CEP128: variants seen among roughly 807,000 people sequenced by gnomAD.
CEP128 encodes the protein centrosomal protein 128kDa.
A neutral mutation model predicts 156.7 loss-of-function variants in CEP128; 132 were observed. That is an observed-to-expected ratio of 0.84 (90% CI 0.73 to 0.97). The LOEUF is 0.97. CEP128 is among the 50% of genes least tolerant of loss of function. The pLI is 0.00. For missense variants in CEP128, 1,252 were observed against 1,281.9 expected (o/e 0.98, Z 0.36); for synonymous variants, 469 against 448.9 (o/e 1.04, Z -0.57).
At chr14:80,918,345 A>ACT (rs1884673146) in intron 2 of CEP128, among the ~76,000 whole-genome samples, 1 of 152,228 alleles carries the variant, frequency 6.6e-6, no homozygotes, top group South Asian at 2.1e-4. Flanking sequence ...AAGTTACAGT[A>ACT]CTTCCCATCA....
intron 19 of CEP128, among the ~76,000 whole-genome samples, chr14:80,630,731 A>G (rs972691389): frequency 2.0e-4 from 30 of 152,168 alleles, no homozygotes; most frequent in African/African-American, 6.5e-4. Flanking sequence ...AAGTTTTTAT[A>G]GTGTAAGGAC....
At chr14:80,744,653 A>G (rs1259968376) in intron 18 of CEP128, among the ~76,000 whole-genome samples, 1 of 152,174 alleles carries the variant, frequency 6.6e-6, no homozygotes, top group African/African-American at 2.4e-5. Context: ...TCCTCATTTC[A>G]GAAAAACACT....
chr14:80,862,703 T>C (rs927802255), intron 9 of CEP128, 54 bp downstream of exon 9: 1 of 1,195,442 alleles, frequency 8.4e-7, no homozygotes, highest in South Asian at 1.2e-5. Context: ...TTAACATGGC[T>C]AAATAAACAT....
intron 16 of CEP128, among the ~76,000 whole-genome samples, chr14:80,767,416 T>C (rs1380951154): frequency 6.6e-6 from 1 of 152,088 alleles, no homozygotes; most frequent in East Asian, 1.9e-4. Flanking sequence ...CTTGTCTATA[T>C]ATGAAATATC....
chr14:80,769,320 G>A (rs1298685131), intron 16 of CEP128, among the ~76,000 whole-genome samples: 1 of 148,704 alleles, frequency 6.7e-6, no homozygotes, highest in African/African-American at 2.5e-5. Context: ...GGGTACATGT[G>A]CACAACGTGC....
chr14:80,933,277 C>T (rs1885582867), intron 2 of CEP128, among the ~76,000 whole-genome samples: 1 of 152,112 alleles, frequency 6.6e-6, no homozygotes, highest in South Asian at 2.1e-4. Context: ...AGCTATGGCC[C>T]CAGTAACTCA....
intron 21 of CEP128, among the ~76,000 whole-genome samples, chr14:80,555,945 G>A (rs527664060): frequency 6.6e-6 from 1 of 152,048 alleles, no homozygotes; most frequent in Admixed American, 6.6e-5. Flanking sequence ...AAATGAATGT[G>A]TCTTCTTTAC....
chr14:80,939,751 TC>T (rs1368229838), intron 1 of CEP128, among the ~76,000 whole-genome samples: 4 of 152,330 alleles, frequency 2.6e-5, no homozygotes, highest in Admixed American at 2.6e-4. Flanking sequence ...GTGACTTCCA[TC>T]CATGCCTGGG....
intron 19 of CEP128, among the ~76,000 whole-genome samples, chr14:80,641,870 A>T (rs575285300): frequency 1.8e-4 from 28 of 152,128 alleles, no homozygotes; most frequent in African/African-American, 6.7e-4. Context: ...CGGGTGGATC[A>T]TGAGGTCAGG....
chr14:80,860,025 C>A (rs924406990), intron 9 of CEP128, among the ~76,000 whole-genome samples: 1 of 152,112 alleles, frequency 6.6e-6, no homozygotes, highest in Non-Finnish European at 1.5e-5. Context: ...GGCCCACCTG[C>A]TCAATTATGG....
At chr14:80,819,733 C>G (rs1247288561) in intron 13 of CEP128, among the ~76,000 whole-genome samples, 1 of 152,124 alleles carries the variant, frequency 6.6e-6, no homozygotes, top group Non-Finnish European at 1.5e-5. Flanking sequence ...CCTGGTTGTT[C>G]TAGGAAAACC....
At chr14:80,944,737 G>T (rs532071117), upstream of CEP128, among the ~76,000 whole-genome samples, 231 of 147,822 alleles carry the variant, frequency 1.6e-3, no homozygotes, top group African/African-American at 5.6e-3. Context: ...CAGGAGAACG[G>T]CGTAAACCCG....
chr14:80,928,139 C>A (rs1885251635), intron 2 of CEP128, among the ~76,000 whole-genome samples: 1 of 152,096 alleles, frequency 6.6e-6, no homozygotes, highest in Non-Finnish European at 1.5e-5. Flanking sequence ...AAATCCCTGT[C>A]CAATCAAAAA....
In CEP128 at chr14:80,777,961, T is replaced by G; in HGVS notation, c.2297A>C (p.Glu766Ala). 10 of 1,612,920 alleles carry G rather than the reference T, an allele frequency of 6.2e-6. No individual in the cohort carries two copies. The highest frequency in any genetic ancestry group is 8.5e-6 in the Non-Finnish European group (10 of 1,179,170). Residue 766 changes from glutamate (E) to alanine (A), a missense_variant, in exon 16 of 25, where the codon GAG (glutamate) becomes GCG (alanine). By Grantham distance (107) the Glu-to-Ala change is moderately radical. Coordinates refer to ENST00000555265, the MANE Select transcript of CEP128 (RefSeq NM_152446.5). The stretch of plus-strand genomic sequence containing the variant: ...CTCATTTTCATTCTGGGTTAATTCC[T>G]CTGTCAGTCTGTCACACTGTGATTT... ...KLKSQCDRLTEELTQNENENK... is the reference protein window; with the variant it reads ...KLKSQCDRLTAELTQNENENK...
At chr14:80,709,761 T>C (rs1422219852) in intron 19 of CEP128, among the ~76,000 whole-genome samples, 1 of 152,206 alleles carries the variant, frequency 6.6e-6, no homozygotes, top group Non-Finnish European at 1.5e-5. Flanking sequence ...TTGACATTTC[T>C]TGTTAAGGCT....
At chr14:80,892,708 CAAAT>C (rs141711083) in intron 8 of CEP128, among the ~76,000 whole-genome samples, 61,499 of 151,278 alleles carry the variant, frequency 0.41, 12,793 homozygotes, top group South Asian at 0.51. Flanking sequence ...AGTAGAAAAA[CAAAT>C]AATCCAATTT....
At position 80,504,999 on chromosome 14, in the gene CEP128, CT is replaced by C; in HGVS notation, c.3093del (p.Gly1032ValfsTer7). The C allele has an allele frequency of 6.3e-7, 1 of 1,596,950 alleles. No homozygotes were observed. The highest frequency in any genetic ancestry group is 1.7e-5 in the Admixed American group (1 of 58,462). The stretch of plus-strand genomic sequence containing the variant: ...TGATCTAACCCACGAGTGTGGGAAC[CT>C]TCCAGAAAGGTTCTGTCACCCTAAG... ...KSFKGDRTFL[E>X]GSHTRGLDHS... is the part of the protein sequence containing the mutation. On this transcript the variant is annotated frameshift_variant, in exon 24 of 25. Coordinates refer to ENST00000555265, the MANE Select transcript of CEP128 (RefSeq NM_152446.5). LOFTEE classifies it high-confidence loss of function.
chr14:80,638,347 C>A (rs892929174), intron 19 of CEP128, among the ~76,000 whole-genome samples: 2 of 152,130 alleles, frequency 1.3e-5, no homozygotes, highest in African/African-American at 4.8e-5. Flanking sequence ...GACTTGTAAA[C>A]CCACTGGTAT....
In CEP128 at chr14:80,925,058, G is replaced by C. The variant is rs73344062; in HGVS notation, c.-15-8496C>G. On this transcript the variant is annotated intron_variant, in intron 2 of 24. Coordinates refer to ENST00000555265, the MANE Select transcript of CEP128 (RefSeq NM_152446.5). The stretch of plus-strand genomic sequence containing the variant: ...AACTGAGCAAAGAAATCAATGAAAA[G>C]AAAGAGCTTTTAGGAGAACATATGT... Among the ~76,000 whole-genome samples the C allele has an allele frequency of 7.4e-3, 1,125 of 152,224 alleles. 16 individuals carry two copies. Among genetic ancestry groups the C allele is most frequent in the African/African-American group, 0.025 (1,025 of 41,536 alleles).
Sources: gnomAD v4.1 joint callset for allele counts (sites outside exome capture counted in the v4.1 genomes callset) on GRCh38, gnomAD v4.1.1 for gene constraint, MANE v1.5 for transcripts, NCBI Gene and HGNC (gene_info 2026-07-23, HGNC 2026-07-21) for gene names.